PTPRN2: variants seen among roughly 807,000 people sequenced by gnomAD.
The protein encoded by PTPRN2 is protein tyrosine phosphatase receptor type N2, also known as receptor-type tyrosine-protein phosphatase N2.
PTPRN2 carries 74 observed loss-of-function variants against 118.8 expected under a neutral mutation model. That is an observed-to-expected ratio of 0.62 (90% CI 0.52 to 0.76). The LOEUF is 0.76. PTPRN2 is among the 30% of genes least tolerant of loss of function. The pLI is 0.00. For synonymous variants in PTPRN2, 641 were observed against 608.0 expected (o/e 1.05, Z -0.80); for missense variants, 1,481 against 1,394.4 (o/e 1.06, Z -0.99).
chr7:158,372,168 C>T (rs553933772), intron 2 of PTPRN2, among the ~76,000 whole-genome samples: 12 of 152,200 alleles, frequency 7.9e-5, no homozygotes, highest in South Asian at 6.2e-4. Flanking sequence ...CTGCCCACCC[C>T]GTGCTGGTCC....
intron 14 of PTPRN2, among the ~76,000 whole-genome samples, chr7:157,626,220 T>C (rs1563278193): frequency 6.6e-6 from 1 of 152,164 alleles, no homozygotes; most frequent in Non-Finnish European, 1.5e-5. Context: ...GCTTCCCCTT[T>C]CCAGTTGCTT....
At position 157,784,759 on chromosome 7, in the gene PTPRN2, C is replaced by T. The variant is rs1023682522; in HGVS notation, c.1789-101822G>A. 4.6e-5 allele frequency among the ~76,000 whole-genome samples: 7 copies of T among 152,134 alleles called. No homozygotes were observed. The highest frequency in any genetic ancestry group is 1.9e-4 in the East Asian group (1 of 5,168). On this transcript the variant is annotated intron_variant, in intron 12 of 22. Coordinates refer to ENST00000389418, the MANE Select transcript of PTPRN2 (RefSeq NM_002847.5). The surrounding 1 kb of genome is among the most constrained non-coding windows in gnomAD (Gnocchi z 4.6). The stretch of plus-strand genomic sequence containing the variant: ...GGCCCCCTGGGTCTCGACATTTCAC[C>T]GCAAACCCTGACCCCACACCCGGCC...
At chr7:157,758,417 C>T (rs1359697917) in intron 12 of PTPRN2, among the ~76,000 whole-genome samples, 2 of 152,148 alleles carry the variant, frequency 1.3e-5, no homozygotes, top group African/African-American at 2.4e-5. Context: ...AGGTAGGTGG[C>T]ACGAGGCCAC....
At chr7:158,139,237 C>T (rs1005248989) in intron 6 of PTPRN2, among the ~76,000 whole-genome samples, 6 of 152,124 alleles carry the variant, frequency 3.9e-5, no homozygotes, top group African/African-American at 7.2e-5. Context: ...GCCATAACCG[C>T]GGAGAGATGT....
intron 2 of PTPRN2, among the ~76,000 whole-genome samples, chr7:158,463,080 C>T (rs1285104707): frequency 7.2e-6 from 1 of 138,752 alleles, no homozygotes; most frequent in Non-Finnish European, 1.6e-5. Flanking sequence ...ACCCCAAAGC[C>T]CCAGATGGGA....
At chr7:158,274,348 CCACAGACACAGGG>C (rs1798797672) in intron 3 of PTPRN2, among the ~76,000 whole-genome samples, 1 of 55,156 alleles carries the variant, frequency 1.8e-5, no homozygotes, top group Non-Finnish European at 3.2e-5. Flanking sequence ...CGCGGGAGAG[CCACAGACACAGGG>C]GGAGCCGCAG....
At chr7:157,909,526 C>T (rs1216200941) in intron 11 of PTPRN2, among the ~76,000 whole-genome samples, 1 of 152,260 alleles carries the variant, frequency 6.6e-6, no homozygotes, top group Non-Finnish European at 1.5e-5. Context: ...TTGGCTGCTG[C>T]CCTGACATCA....
At chr7:158,458,799 C>T (rs1211244523) in intron 2 of PTPRN2, among the ~76,000 whole-genome samples, 7 of 152,204 alleles carry the variant, frequency 4.6e-5, no homozygotes, top group Non-Finnish European at 7.3e-5. Context: ...GCCTCATTTC[C>T]CCTTCTAGTC....
At chr7:157,865,794 A>C (rs944578478) in intron 12 of PTPRN2, 1 of 151,994 alleles carries the variant, frequency 6.6e-6, no homozygotes, top group Non-Finnish European at 1.5e-5. Flanking sequence ...CCAGGTCCTG[A>C]TGTTACTTGT....
intron 3 of PTPRN2, among the ~76,000 whole-genome samples, chr7:158,247,761 C>T (rs971669505): frequency 1.3e-5 from 2 of 152,146 alleles, no homozygotes; most frequent in Non-Finnish European, 2.9e-5. Context: ...GGATTACAGG[C>T]ATGCACCACC....
chr7:158,522,976 T>C (rs1224382492), intron 1 of PTPRN2, among the ~76,000 whole-genome samples: 2 of 152,106 alleles, frequency 1.3e-5, no homozygotes, highest in Non-Finnish European at 2.9e-5. Context: ...TACCCAAAAA[T>C]GGGAATTTCA....
intron 12 of PTPRN2, among the ~76,000 whole-genome samples, chr7:157,687,893 G>T (rs185331210): frequency 9.8e-5 from 15 of 152,296 alleles, no homozygotes; most frequent in African/African-American, 3.6e-4. Flanking sequence ...ATTTGCCACA[G>T]AATTCTAATA....
intron 3 of PTPRN2, among the ~76,000 whole-genome samples, chr7:158,281,703 C>A (rs942444703): frequency 1.3e-5 from 2 of 152,226 alleles, no homozygotes; most frequent in Non-Finnish European, 2.9e-5. Context: ...GGCTTTGCAC[C>A]CACCTCCTGC....
rs1316093494 is a variant in PTPRN2, at chr7:157,953,937, G to C, written c.1724-55200C>G. ...AATGCACAAACGCTTGAAGATGCAT[G>C]TGTGTTAGAGTCTCTTCCACAGAAC... On this transcript the variant is annotated intron_variant, in intron 11 of 22. Transcript: ENST00000389418. This position sits in a 1 kb window ranked among gnomAD's most constrained non-coding sequence, Gnocchi z 4.6. Among the ~76,000 whole-genome samples, 1 of 152,248 alleles carries C rather than the reference G, an allele frequency of 6.6e-6. No homozygotes were observed. Among genetic ancestry groups the C allele is most frequent in the African/African-American group, 2.4e-5 (1 of 41,460 alleles).
intron 3 of PTPRN2, among the ~76,000 whole-genome samples, chr7:158,249,938 T>C (rs886779692): frequency 6.6e-6 from 1 of 152,110 alleles, no homozygotes; most frequent in Non-Finnish European, 1.5e-5. Context: ...CTGAGTGTAA[T>C]GCAAGTGAGA....
Position 158,265,972 on chromosome 7 carries a change from G to A in PTPRN2, c.277+50847C>T, listed in dbSNP as rs145226087. The stretch of plus-strand genomic sequence containing the variant: ...CCCCACAGAGGCGCAGGGCTCCTTC[G>A]CCTCCCCAGGGGTTGGGGACCCCTG... On this transcript the variant is annotated intron_variant, in intron 3 of 22. Transcript: ENST00000389418. Among the ~76,000 whole-genome samples the A allele has an allele frequency of 1.0e-3, 154 of 152,308 alleles. 2 individuals carry two copies. Among genetic ancestry groups the A allele is most frequent in the Middle Eastern group, 3.4e-3 (1 of 294 alleles).
At chr7:158,393,020 A>G (rs1178568110) in intron 2 of PTPRN2, among the ~76,000 whole-genome samples, 1 of 152,168 alleles carries the variant, frequency 6.6e-6, no homozygotes, top group Non-Finnish European at 1.5e-5. Flanking sequence ...AGGGCTGCAC[A>G]GGCCCAGCTG....
intron 9 of PTPRN2, among the ~76,000 whole-genome samples, chr7:158,130,313 AC>A (rs1218176189): frequency 6.6e-6 from 1 of 152,162 alleles, no homozygotes; most frequent in African/African-American, 2.4e-5. Flanking sequence ...AGGAAGAAAT[AC>A]CCGAACAGAC....
intron 1 of PTPRN2, among the ~76,000 whole-genome samples, chr7:158,571,704 T>C (rs1288316358): frequency 1.3e-5 from 2 of 151,856 alleles, no homozygotes; most frequent in African/African-American, 2.4e-5. Context: ...TCTGGGGTCT[T>C]GCGTTACTTC....
Sources: allele counts gnomAD v4.1 joint callset (sites outside exome capture counted in the v4.1 genomes callset), GRCh38; gene constraint gnomAD v4.1.1; non-coding constraint Gnocchi (gnomAD v3.1); transcripts MANE v1.5; gene names NCBI Gene and HGNC (gene_info 2026-07-23, HGNC 2026-07-21).